Variants in TLE1 observed in about 807,000 individuals in gnomAD.
TLE1 encodes the protein TLE family member 1, transcriptional corepressor.
In TLE1, 21 loss-of-function variants were observed where a neutral mutation model predicts 89.8. The ratio of observed to expected loss-of-function variants is 0.23; its 90% CI spans 0.17 to 0.34. The LOEUF is 0.34. Among genes scored for constraint, TLE1 ranks in the 10% least tolerant of loss-of-function variants. The pLI is 1.00. For missense variants in TLE1, 795 were observed against 1,031.2 expected (o/e 0.77, Z 3.14); for synonymous variants, 447 against 407.6 (o/e 1.10, Z -1.16).
chr9:81,672,694 A>G (rs1223817562), intron 4 of TLE1, among the ~76,000 whole-genome samples: 1 of 152,128 alleles, frequency 6.6e-6, no homozygotes, highest in Non-Finnish European at 1.5e-5. Flanking sequence ...TCTGTAACCA[A>G]GCAACAACTT....
intron 11 of TLE1, 139 bp from the exon 12 acceptor site, chr9:81,613,660 C>T: frequency 2.1e-6 from 2 of 973,382 alleles, no homozygotes; most frequent in South Asian, 3.2e-5. Flanking sequence ...ACAATGTTGA[C>T]AGCATTAACT....
intron 8 of TLE1, among the ~76,000 whole-genome samples, chr9:81,631,078 A>G (rs1476667033): frequency 6.6e-6 from 1 of 152,204 alleles, no homozygotes; most frequent in Non-Finnish European, 1.5e-5. Flanking sequence ...AATTTGATAT[A>G]AAAAAGATAC....
At chr9:81,666,809 A>AAATAAATAAAT (rs770061768) in intron 4 of TLE1, among the ~76,000 whole-genome samples, 2 of 136,030 alleles carry the variant, frequency 1.5e-5, no homozygotes, top group African/African-American at 5.4e-5. Context: ...ATAAATAAAT[A>AAATAAATAAAT]AAATAAAATA....
chr9:81,584,965 C>CCCATCCAT (rs58907018), intron 18 of TLE1, among the ~76,000 whole-genome samples: 36,750 of 149,326 alleles, frequency 0.25, 5,004 homozygotes, highest in South Asian at 0.42. Flanking sequence ...CACTCATCCA[C>CCCATCCAT]CCATCCATCC....
At chr9:81,639,652 G>A (rs562900907) in intron 6 of TLE1, among the ~76,000 whole-genome samples, 1 of 141,962 alleles carries the variant, frequency 7.0e-6, no homozygotes, top group African/African-American at 2.6e-5. Flanking sequence ...GTGCAATCTC[G>A]GCTCACTGCA....
chr9:81,631,765 A>G (rs1826642055), intron 8 of TLE1, among the ~76,000 whole-genome samples: 1 of 152,236 alleles, frequency 6.6e-6, no homozygotes, highest in Non-Finnish European at 1.5e-5. Context: ...GATTTCATCC[A>G]GGGTTAGGTT....
chr9:81,658,275 T>A (rs1361916253), intron 4 of TLE1, among the ~76,000 whole-genome samples: 2 of 152,094 alleles, frequency 1.3e-5, no homozygotes, highest in African/African-American at 2.4e-5. Context: ...AATTCACAGA[T>A]GCAGAACCCA....
chr9:81,607,195 T>A (rs1412952213), intron 14 of TLE1, among the ~76,000 whole-genome samples: 1 of 152,142 alleles, frequency 6.6e-6, no homozygotes, highest in Non-Finnish European at 1.5e-5. Flanking sequence ...GGCCACTGTG[T>A]CCACTGTCCT....
intron 11 of TLE1, among the ~76,000 whole-genome samples, chr9:81,614,557 C>A (rs970887237): frequency 1.3e-5 from 2 of 152,200 alleles, no homozygotes; most frequent in African/African-American, 4.8e-5. Context: ...AGAGCTCTTT[C>A]TGACCTTGGA....
At chr9:81,640,863 T>C (rs932790419) in intron 6 of TLE1, among the ~76,000 whole-genome samples, 1 of 152,182 alleles carries the variant, frequency 6.6e-6, no homozygotes, top group African/African-American at 2.4e-5. Flanking sequence ...CACAGGCCAA[T>C]GCCCACCTTC....
intron 6 of TLE1, among the ~76,000 whole-genome samples, chr9:81,642,963 C>G (rs1002971778): frequency 6.6e-6 from 1 of 152,100 alleles, no homozygotes; most frequent in Non-Finnish European, 1.5e-5. Context: ...GTAGGCTAAG[C>G]GAAATAAGCA....
intron 10 of TLE1, 113 bp downstream of exon 10, chr9:81,616,533 T>C (rs1824536979): frequency 2.9e-6 from 3 of 1,028,256 alleles, no homozygotes; most frequent in African/African-American, 3.2e-5. Flanking sequence ...ATGTAAGAAG[T>C]TGCAAGAGGT....
At chr9:81,609,275 G>C (rs146925262) in intron 14 of TLE1, among the ~76,000 whole-genome samples, 2,275 of 152,198 alleles carry the variant, frequency 0.015, 64 homozygotes, top group African/African-American at 0.052. Context: ...AGTAGAGACG[G>C]GGTTTCGCCA....
At position 81,593,138 on chromosome 9, in the gene TLE1, C is replaced by G. The variant is rs1429855757; in HGVS notation, c.1468G>C (p.Val490Leu). 6.2e-7 allele frequency: 1 copy of G among 1,614,048 alleles called. No individual in the cohort carries two copies. The highest frequency in any genetic ancestry group is 1.3e-5 in the African/African-American group (1 of 74,912). The change falls in exon 15 of 20, where the codon GTG becomes CTG. Residue 490 changes from valine to leucine, a missense_variant. This residue lies in a region of TLE1 where 468 missense variants were observed against 509.1 expected (regional missense o/e 0.92). Coordinates refer to ENST00000376499, the MANE Select transcript of TLE1 (RefSeq NM_005077.5). ...TLNHGEVVCAVTISNPTRHVY... is the reference protein window; with the variant it reads ...TLNHGEVVCALTISNPTRHVY... ...TGTCTCGTGGGGTTGCTGATGGTCACAGCGCACACCACCTCCCCGTGGTTG... is the reference window on the plus strand; with the variant it reads ...TGTCTCGTGGGGTTGCTGATGGTCAGAGCGCACACCACCTCCCCGTGGTTG...
chr9:81,683,627 A>G (rs1293380172), intron 4 of TLE1, among the ~76,000 whole-genome samples: 1 of 152,204 alleles, frequency 6.6e-6, no homozygotes, highest in Non-Finnish European at 1.5e-5. Flanking sequence ...ACTGAATTAT[A>G]GCACTACTTT....
chr9:81,622,599 G>C (rs1442633509), intron 8 of TLE1, among the ~76,000 whole-genome samples: 1 of 152,206 alleles, frequency 6.6e-6, no homozygotes, highest in Non-Finnish European at 1.5e-5. Context: ...CTGCGTCTAT[G>C]TGTTCAAAGT....
intron 14 of TLE1, among the ~76,000 whole-genome samples, chr9:81,601,949 C>T (rs1294161767): frequency 6.6e-6 from 1 of 152,134 alleles, no homozygotes; most frequent in East Asian, 1.9e-4. Flanking sequence ...CTTCCATCCT[C>T]CTGGGGAGGA....
intron 15 of TLE1, among the ~76,000 whole-genome samples, chr9:81,591,422 T>C (rs1360999337): frequency 1.3e-5 from 2 of 152,172 alleles, no homozygotes; most frequent in Admixed American, 6.5e-5. Context: ...CCATCCTCTA[T>C]GTTTCGGTCT....
intron 8 of TLE1, among the ~76,000 whole-genome samples, chr9:81,630,711 T>C (rs1454074565): frequency 6.6e-6 from 1 of 152,232 alleles, no homozygotes; most frequent in Non-Finnish European, 1.5e-5. Flanking sequence ...GCTGACTTAA[T>C]CTGCCAAGTA....
Sources: gnomAD v4.1 joint callset for allele counts (sites outside exome capture counted in the v4.1 genomes callset) on GRCh38, gnomAD v4.1.1 for gene constraint, gnomAD v4.1.1 regional missense constraint, MANE v1.5 for transcripts, NCBI Gene and HGNC (gene_info 2026-07-23, HGNC 2026-07-21) for gene names.